PFKL: variants seen among roughly 807,000 people sequenced by gnomAD.
PFKL encodes the protein phosphofructokinase, liver type.
A neutral mutation model predicts 92.1 loss-of-function variants in PFKL; 74 were observed. The ratio of observed to expected loss-of-function variants is 0.80; its 90% CI spans 0.67 to 0.97. The LOEUF (loss-of-function observed/expected upper bound fraction) is 0.97. Among genes scored for constraint, PFKL ranks in the 50% least tolerant of loss-of-function variants. The probability of loss-of-function intolerance (pLI) is 0.00; values close to 1 mark genes in which losing one functional copy is unlikely to be tolerated. For missense variants in PFKL, 1,028 were observed against 1,116.6 expected, an observed-to-expected ratio of 0.92 and a Z score of 1.13; for synonymous variants, 494 against 456.4, an observed-to-expected ratio of 1.08 and a Z score of -1.05.
Position 44,311,056 on chromosome 21 carries a change from GC to G in PFKL, c.211del (p.Leu71Ter). 1 of 1,613,060 alleles carries G rather than the reference GC, an allele frequency of 6.2e-7. No individual in the cohort carries two copies. The highest frequency in any genetic ancestry group is 2.2e-5 in the East Asian group (1 of 44,866). ...GTGAGAACATCAAGCAGGCCAACTG[GC>G]TGAGCGTCTCCAACATCATCCAGCT... ...GGENIKQANW[L>X]SVSNIIQLGG... On this transcript the variant is annotated frameshift_variant, in exon 3 of 22. Transcript: ENST00000349048. LOFTEE classifies it high-confidence loss of function.
chr21:44,319,632 G>A, intron 11 of PFKL: 1 of 595,098 alleles, frequency 1.7e-6, no homozygotes, highest in Non-Finnish European at 3.0e-6. Flanking sequence ...GCAGGGCCCA[G>A]TGCACAGGGA....
At chr21:44,303,641 C>A (rs557464137) in intron 1 of PFKL, among the ~76,000 whole-genome samples, 1 of 152,078 alleles carries the variant, frequency 6.6e-6, no homozygotes, top group Non-Finnish European at 1.5e-5. Context: ...TGGCCCGCCA[C>A]GCCTCCCTGA....
At position 44,314,072 on chromosome 21, in the gene PFKL, T is replaced by G. The variant is rs765477775; in HGVS notation, c.747+51T>G. Reference sequence around the variant, plus strand: ...GCCGCAGGTGTCCTGGTGCACTGGGTAGCGCCCCTGGGGTTTTGGGACCAG... The same window carrying G: ...GCCGCAGGTGTCCTGGTGCACTGGGGAGCGCCCCTGGGGTTTTGGGACCAG... On this transcript the variant is annotated intron_variant, in intron 7 of 21. Transcript: ENST00000349048. 4 of 1,315,100 alleles carry G rather than the reference T, an allele frequency of 3.0e-6. No individual in the cohort carries two copies. The East Asian group carries it at 7.2e-5, about 24-fold the overall frequency. The allele number at this position is 1,315,100 out of a possible 1,614,324, so 81.5% of individuals were successfully genotyped here.
At position 44,326,917 on chromosome 21, in the gene PFKL, G is replaced by A; in HGVS notation, c.*55G>A. 2 of 1,487,052 alleles carry A rather than the reference G, an allele frequency of 1.3e-6. No homozygotes were observed. Among genetic ancestry groups the A allele is most frequent in the Admixed American group, 1.9e-5 (1 of 53,086 alleles). 92.1% of individuals were successfully genotyped at this position (1,487,052 alleles called of 1,614,324 possible). On this transcript the variant is annotated 3_prime_UTR_variant, in exon 22 of 22. Transcript: ENST00000349048. ...CCCCACCCATGCCAGCGCAGCGCCA[G>A]GGCTCAGATGGGGCCTGGGCTGTTG...
chr21:44,318,601 C>T lies in PFKL; in HGVS notation c.1062+6C>T, dbSNP rs373271332. 2.0e-6 allele frequency: 3 copies of T among 1,474,166 alleles called. No individual in the cohort carries two copies. Among genetic ancestry groups the T allele is most frequent in the Non-Finnish European group, 2.7e-6 (3 of 1,099,780 alleles). 91.3% of individuals were successfully genotyped at this position (1,474,166 alleles called of 1,614,324 possible). A position where few individuals can be genotyped will look rare whatever the true frequency, so the allele number is the denominator to read the frequency against. On this transcript the variant is annotated splice_donor_region_variant and intron_variant, in intron 10 of 21. Transcript: ENST00000349048. The stretch of plus-strand genomic sequence containing the variant: ...TCATGGAGTGCGTGCAGATGGTAAG[C>T]CCTGGGCCCCCCCCATCAGAACCGC...
At position 44,326,732 on chromosome 21, in the gene PFKL, A is replaced by C; in HGVS notation, c.2213A>C (p.Glu738Ala). ...DTDFEHRMPR[E>A]QWWLSLRLML... is the part of the protein sequence containing the mutation. ...CTGCACAGGCACCGCATGCCACGGGAGCAGTGGTGGCTGAGCCTGCGGCTC... is the reference window on the plus strand; with the variant it reads ...CTGCACAGGCACCGCATGCCACGGGCGCAGTGGTGGCTGAGCCTGCGGCTC... The change falls in exon 22 of 22, where the codon GAG becomes GCG. Residue 738 changes from glutamate (E) to alanine (A), a missense_variant. Coordinates refer to ENST00000349048, the MANE Select transcript of PFKL (RefSeq NM_002626.6). 6.2e-7 allele frequency: 1 copy of C among 1,611,926 alleles called. No individual in the cohort carries two copies. Among genetic ancestry groups the C allele is most frequent in the Non-Finnish European group, 8.5e-7 (1 of 1,179,494 alleles).
chr21:44,324,711 CCA>C, intron 17 of PFKL, 56 bp downstream of exon 17: 1 of 1,561,264 alleles, frequency 6.4e-7, no homozygotes, highest in Non-Finnish European at 8.7e-7. Flanking sequence ...AGCCTGGGCC[CCA>C]GACACTCAGG....
At chr21:44,307,354 C>T in intron 2 of PFKL, 1 of 955,828 alleles carries the variant, frequency 1.0e-6, no homozygotes, top group Non-Finnish European at 1.2e-6. Context: ...CACTTGCGCT[C>T]ACACATGTGC....
intron 10 of PFKL, among the ~76,000 whole-genome samples, chr21:44,318,940 C>G (rs1465606657): frequency 6.6e-6 from 1 of 152,082 alleles, no homozygotes; most frequent in Non-Finnish European, 1.5e-5. Context: ...GAGCAGAGCC[C>G]TGGGAGGAGC....
At chr21:44,304,197 C>T (rs1007682269) in intron 1 of PFKL, 2 of 1,285,126 alleles carry the variant, frequency 1.6e-6, no homozygotes, top group African/African-American at 1.5e-5. Flanking sequence ...TTTTATTTTG[C>T]AGAGCACCCT....
chr21:44,317,771 G>T (rs1338336639), intron 9 of PFKL, among the ~76,000 whole-genome samples: 1 of 152,234 alleles, frequency 6.6e-6, no homozygotes, highest in African/African-American at 2.4e-5. Context: ...TGCATGGGGG[G>T]TGTCTCCGAG....
Position 44,323,973 on chromosome 21 carries a change from T to C in PFKL, c.1650+55T>C, listed in dbSNP as rs1331156738. On this transcript the variant is annotated intron_variant, in intron 16 of 21. Transcript: ENST00000349048. ...TGCCCAGGCCCTTGTGGGGTGGGGC[T>C]GAGCCTACGGAGGCTGCTGGAGGGG... 4.4e-6 allele frequency: 7 copies of C among 1,600,634 alleles called. No individual in the cohort carries two copies. The South Asian group carries it at 5.5e-5, about 13-fold the overall frequency.
Position 44,312,024 on chromosome 21 carries a change from G to T in PFKL, c.238-81G>T, listed in dbSNP as rs1158874655. 6.7e-6 allele frequency: 8 copies of T among 1,193,604 alleles called. No individual in the cohort carries two copies. In the Admixed American group the frequency reaches 2.8e-4, roughly 42 times the overall value. 73.9% of individuals were successfully genotyped at this position (1,193,604 alleles called of 1,614,324 possible). ...GGGTCTGCCAGCCCCTTGCTGCCCA[G>T]TCCTGGGGTCCCTCTGGTGATCCCC... On this transcript the variant is annotated intron_variant, in intron 3 of 21. Coordinates refer to ENST00000349048, the MANE Select transcript of PFKL (RefSeq NM_002626.6).
chr21:44,310,837 TA>T (rs2047020740), intron 2 of PFKL, among the ~76,000 whole-genome samples, 168 bp from the exon 3 acceptor site: 1 of 151,806 alleles, frequency 6.6e-6, no homozygotes, highest in South Asian at 2.1e-4. Flanking sequence ...TGGAGCCCCC[TA>T]GGGGGCACCC....
chr21:44,315,914 G>A lies in PFKL; in HGVS notation c.748-330G>A, dbSNP rs1174552199. 11 of 376,074 alleles carry A rather than the reference G, an allele frequency of 2.9e-5. No homozygotes were observed. In the East Asian group the frequency reaches 6.7e-4, roughly 23 times the overall value. 23.3% of individuals were successfully genotyped at this position (376,074 alleles called of 1,614,324 possible). A position where few individuals can be genotyped will look rare whatever the true frequency, so the allele number is the denominator to read the frequency against. ...GCAGCCCTGTGCGTCTTCCCGCCTG[G>A]AAGGCTTCACCAGACACAAGGGCCC... On this transcript the variant is annotated intron_variant, in intron 7 of 21. Transcript: ENST00000349048.
chr21:44,308,862 A>G (rs771206655), intron 2 of PFKL, among the ~76,000 whole-genome samples: 13 of 152,192 alleles, frequency 8.5e-5, no homozygotes, highest in Middle Eastern at 6.8e-3. Context: ...GTGCACGGCC[A>G]TGAATGGTTT....
intron 7 of PFKL, chr21:44,314,427 G>C (rs1323115151): frequency 4.9e-6 from 1 of 202,864 alleles, no homozygotes; most frequent in South Asian, 9.1e-5. Context: ...AGCTGGGCCA[G>C]TGGGGAGCAG....
chr21:44,301,472 T>C (rs2040773339), intron 1 of PFKL, among the ~76,000 whole-genome samples: 1 of 152,138 alleles, frequency 6.6e-6, no homozygotes, highest in African/African-American at 2.4e-5. Context: ...TGTTCAAGGA[T>C]GTCTTTTTGC....
intron 1 of PFKL, chr21:44,305,421 A>C: frequency 7.5e-7 from 1 of 1,328,194 alleles, no homozygotes. Flanking sequence ...CCAGCAGGTC[A>C]GCACCTCCAG....
Sources: allele counts gnomAD v4.1 joint callset (sites outside exome capture counted in the v4.1 genomes callset), GRCh38; gene constraint gnomAD v4.1.1; transcripts MANE v1.5; gene names NCBI Gene and HGNC (gene_info 2026-07-23, HGNC 2026-07-21).